MARCHF1: variants seen among roughly 807,000 people sequenced by gnomAD.
MARCHF1 encodes membrane associated ring-CH-type finger 1, also known as E3 ubiquitin-protein ligase MARCHF1.
A neutral mutation model predicts 54.2 loss-of-function variants in MARCHF1; 40 were observed. That is an observed-to-expected ratio of 0.74 (90% CI 0.57 to 0.96). The LOEUF (loss-of-function observed/expected upper bound fraction) is 0.96. MARCHF1 is among the 40% of genes least tolerant of loss of function. The pLI is 0.00. For missense variants in MARCHF1, 586 were observed against 656.5 expected (o/e 0.89, Z 1.17); for synonymous variants, 236 against 236.3 (o/e 1.00, Z 0.01).
intron 3 of MARCHF1, among the ~76,000 whole-genome samples, chr4:163,965,924 G>C (rs1314416162): frequency 6.6e-6 from 1 of 152,030 alleles, no homozygotes; most frequent in Non-Finnish European, 1.5e-5. Context: ...ACTTTCATTT[G>C]TGCCTCTCAC....
chr4:164,189,546 T>C, intron 1 of MARCHF1: 1 of 877,304 alleles, frequency 1.1e-6, no homozygotes, highest in South Asian at 1.4e-5. Flanking sequence ...TAAACCCAGA[T>C]GAAGCTGTAG....
At chr4:163,979,905 G>T (rs1210773337) in intron 3 of MARCHF1, among the ~76,000 whole-genome samples, 2 of 151,986 alleles carry the variant, frequency 1.3e-5, no homozygotes, top group Non-Finnish European at 2.9e-5. Flanking sequence ...TGAGTTCATT[G>T]TAGATTCTGG....
At chr4:163,785,936 C>T (rs1340603627) in intron 4 of MARCHF1, among the ~76,000 whole-genome samples, 1 of 151,858 alleles carries the variant, frequency 6.6e-6, no homozygotes, top group Non-Finnish European at 1.5e-5. Context: ...GTAGGAGGGA[C>T]ACGGTCAGGG....
chr4:164,252,080 A>T (rs1733145639), intron 1 of MARCHF1, among the ~76,000 whole-genome samples: 1 of 152,198 alleles, frequency 6.6e-6, no homozygotes, highest in Non-Finnish European at 1.5e-5. Flanking sequence ...ATCTGCCTAC[A>T]TATGAGTATT....
At chr4:163,672,143 C>T (rs553726136) in intron 5 of MARCHF1, among the ~76,000 whole-genome samples, 1 of 152,252 alleles carries the variant, frequency 6.6e-6, no homozygotes, top group South Asian at 2.1e-4. Flanking sequence ...TGTATTTTAA[C>T]CTCTCAGTGC....
chr4:164,201,173 C>T (rs564464285), intron 1 of MARCHF1, among the ~76,000 whole-genome samples: 6 of 152,086 alleles, frequency 3.9e-5, no homozygotes, highest in South Asian at 4.2e-4. Flanking sequence ...CTTCTGAACA[C>T]GAAATCTGAC....
chr4:163,830,503 C>T (rs1341551878), intron 4 of MARCHF1, among the ~76,000 whole-genome samples: 2 of 152,122 alleles, frequency 1.3e-5, no homozygotes, highest in Non-Finnish European at 2.9e-5. Flanking sequence ...GCTGAGGACC[C>T]TGCACTGGCT....
rs190803113 is a variant in MARCHF1 at position 163,829,565 on chromosome 4, A to C, written c.111+24456T>G. ...CCTTACTGCTCTTTCAGCACCACACAGTATCCCTCTCCCTGAATTTCTACA... is the reference window on the plus strand; with the variant it reads ...CCTTACTGCTCTTTCAGCACCACACCGTATCCCTCTCCCTGAATTTCTACA... On this transcript the variant is annotated intron_variant, in intron 4 of 9. Coordinates refer to ENST00000514618, the MANE Select transcript of MARCHF1 (RefSeq NM_001394959.1). Among the ~76,000 whole-genome samples the C allele has an allele frequency of 5.9e-5, 9 of 152,336 alleles. No individual in the cohort carries two copies. The East Asian group carries it at 1.7e-3, about 29-fold the overall frequency.
chr4:164,357,745 C>T (rs996830703), intron 1 of MARCHF1, among the ~76,000 whole-genome samples: 4 of 152,258 alleles, frequency 2.6e-5, no homozygotes, highest in African/African-American at 9.6e-5. Flanking sequence ...ACAATGGGTA[C>T]TGAAGTGTCA....
intron 2 of MARCHF1, among the ~76,000 whole-genome samples, chr4:164,068,621 A>C (rs1754783684): frequency 6.6e-6 from 1 of 152,138 alleles, no homozygotes; most frequent in Non-Finnish European, 1.5e-5. Context: ...GCAACCTGCC[A>C]TGCCTGAGCC....
chr4:163,946,977 AT>A (rs529119954), intron 3 of MARCHF1, among the ~76,000 whole-genome samples: 2 of 152,232 alleles, frequency 1.3e-5, no homozygotes, highest in Non-Finnish European at 2.9e-5. Flanking sequence ...TTGTTTACAG[AT>A]TTTTTTTAAA....
chr4:163,853,707 C>T (rs994108081), intron 4 of MARCHF1, among the ~76,000 whole-genome samples: 2 of 152,034 alleles, frequency 1.3e-5, no homozygotes, highest in African/African-American at 2.4e-5. Flanking sequence ...GGTTTCATTA[C>T]GCAGTATAGA....
chr4:164,376,992 C>A lies in MARCHF1; in HGVS notation c.-323+6878G>T, dbSNP rs146076488. Among the ~76,000 whole-genome samples the A allele has an allele frequency of 3.2e-3, 482 of 152,258 alleles. 1 individual carries two copies. Among genetic ancestry groups the A allele is most frequent in the African/African-American group, 0.011 (465 of 41,556 alleles). ...TCAGTACCTAATTTATCACTCTCAC[C>A]AAGCTTCCATTTATCTCCTGATGTG... On this transcript the variant is annotated intron_variant, in intron 1 of 9. Transcript: ENST00000514618.
At chr4:163,600,223 A>T (rs1433807206) in intron 7 of MARCHF1, among the ~76,000 whole-genome samples, 1 of 152,016 alleles carries the variant, frequency 6.6e-6, no homozygotes, top group Non-Finnish European at 1.5e-5. Flanking sequence ...ATATACACAC[A>T]CACTACACAC....
chr4:164,159,158 G>A (rs897829327), intron 1 of MARCHF1, among the ~76,000 whole-genome samples: 9 of 152,260 alleles, frequency 5.9e-5, no homozygotes, highest in African/African-American at 2.2e-4. Flanking sequence ...AGATAATAAA[G>A]TAATTAATGT....
intron 1 of MARCHF1, among the ~76,000 whole-genome samples, chr4:164,230,561 C>T (rs1057125090): frequency 5.9e-5 from 9 of 151,944 alleles, no homozygotes; most frequent in African/African-American, 1.9e-4. Context: ...TCTTTACTAG[C>T]TATTTTTACA....
intron 2 of MARCHF1, among the ~76,000 whole-genome samples, chr4:164,031,623 C>T (rs1028450121): frequency 4.0e-5 from 6 of 151,878 alleles, no homozygotes; most frequent in Admixed American, 6.6e-5. Context: ...GTGTATGTGA[C>T]GGATTATGTC....
At chr4:164,090,554 CTT>C (rs1755276852) in intron 2 of MARCHF1, among the ~76,000 whole-genome samples, 1 of 151,616 alleles carries the variant, frequency 6.6e-6, no homozygotes, top group Non-Finnish European at 1.5e-5. Context: ...TTCTGAATCT[CTT>C]TTTATAGCTT....
chr4:163,957,346 A>G (rs1293838817), intron 3 of MARCHF1, among the ~76,000 whole-genome samples: 1 of 152,100 alleles, frequency 6.6e-6, no homozygotes, highest in Non-Finnish European at 1.5e-5. Context: ...AAGTCCATGC[A>G]GCAGAACAAA....
Sources: allele counts gnomAD v4.1 joint callset (sites outside exome capture counted in the v4.1 genomes callset), GRCh38; gene constraint gnomAD v4.1.1; transcripts MANE v1.5; gene names NCBI Gene and HGNC (gene_info 2026-07-23, HGNC 2026-07-21).